Variants in SDK1 observed in about 807,000 individuals in gnomAD.
SDK1 encodes protein sidekick-1.
Under a neutral mutation model 245.5 loss-of-function variants are expected in SDK1, and 157 were observed. The ratio of observed to expected loss-of-function variants is 0.64; its 90% CI spans 0.56 to 0.73. The LOEUF (loss-of-function observed/expected upper bound fraction) is 0.73, where lower values mean the gene tolerates loss of function less well. SDK1 is among the 30% of genes least tolerant of loss of function. The pLI is 0.00. For synonymous variants in SDK1, 1,647 were observed against 1,278.5 expected (o/e 1.29, Z -6.15); for missense variants, 3,583 against 3,002.3 (o/e 1.19, Z -4.52).
chr7:4,237,621 A>G, intron 41 of SDK1, 26 bp from the exon 42 acceptor site: 1 of 1,613,950 alleles, frequency 6.2e-7, no homozygotes. Context: ...GCCCCATGTC[A>G]TTGTGTGTCC....
rs111386857 is a variant in SDK1 at position 3,565,290 on chromosome 7, A to G, written c.299-53790A>G. Among the ~76,000 whole-genome samples the G allele has an allele frequency of 8.9e-3, 1,358 of 152,300 alleles. 27 individuals carry two copies. Among genetic ancestry groups the G allele is most frequent in the African/African-American group, 0.031 (1,277 of 41,552 alleles). ...AAATTGCATCCAGAACCTTAGCTAC[A>G]AAGGAATCTGGGAAATATGGTTGTT... is the stretch of plus-strand genomic sequence containing the variant. On this transcript the variant is annotated intron_variant, in intron 1 of 44. Coordinates refer to ENST00000404826, the MANE Select transcript of SDK1 (RefSeq NM_152744.4).
chr7:4,140,933 C>A (rs1310010938), intron 28 of SDK1, among the ~76,000 whole-genome samples: 1 of 152,280 alleles, frequency 6.6e-6, no homozygotes, highest in Non-Finnish European at 1.5e-5. Flanking sequence ...GAGACCCCAT[C>A]TCTATTTTAA....
At chr7:3,565,981 AT>A (rs1202155264) in intron 1 of SDK1, among the ~76,000 whole-genome samples, 2 of 152,224 alleles carry the variant, frequency 1.3e-5, no homozygotes, top group Admixed American at 1.3e-4. Context: ...TTAAAAATGA[AT>A]AAAAACATAA....
At chr7:3,675,869 T>C (rs1783876371) in intron 4 of SDK1, among the ~76,000 whole-genome samples, 1 of 152,234 alleles carries the variant, frequency 6.6e-6, no homozygotes, top group Non-Finnish European at 1.5e-5. Flanking sequence ...GCCTACTTTT[T>C]AATTGGGTTG....
At chr7:3,619,328 A>G in intron 2 of SDK1, 89 bp downstream of exon 2, 1 of 1,097,962 alleles carries the variant, frequency 9.1e-7, no homozygotes, top group Non-Finnish European at 1.3e-6. Flanking sequence ...CAATGAGTGA[A>G]AATATTGGAT....
At chr7:3,554,531 T>C (rs572359620) in intron 1 of SDK1, among the ~76,000 whole-genome samples, 1 of 152,222 alleles carries the variant, frequency 6.6e-6, no homozygotes, top group African/African-American at 2.4e-5. Flanking sequence ...CCTCCAGAGA[T>C]TGTACTCACT....
At chr7:3,626,875 CAAAT>C (rs1422659614) in intron 2 of SDK1, among the ~76,000 whole-genome samples, 2 of 151,922 alleles carry the variant, frequency 1.3e-5, no homozygotes, top group African/African-American at 4.8e-5. Flanking sequence ...GGGAAAAAAA[CAAAT>C]AGATGGCCAG....
intron 5 of SDK1, among the ~76,000 whole-genome samples, chr7:3,921,110 T>C (rs933643033): frequency 2.6e-5 from 4 of 152,082 alleles, no homozygotes; most frequent in African/African-American, 9.7e-5. Context: ...AATTAGAAAA[T>C]ACAGAGAAAC....
chr7:3,799,172 T>A (rs1779041612), intron 4 of SDK1, among the ~76,000 whole-genome samples: 1 of 152,210 alleles, frequency 6.6e-6, no homozygotes, highest in South Asian at 2.1e-4. Flanking sequence ...CTTTTTTGTT[T>A]CTTCTTATAA....
At chr7:3,739,135 C>T (rs1055601707) in intron 4 of SDK1, among the ~76,000 whole-genome samples, 2 of 152,086 alleles carry the variant, frequency 1.3e-5, no homozygotes, top group East Asian at 3.9e-4. Flanking sequence ...CTTCTGGATT[C>T]CATAGTTTCT....
chr7:4,044,406 C>G (rs1246364955), intron 17 of SDK1, among the ~76,000 whole-genome samples: 3 of 152,194 alleles, frequency 2.0e-5, no homozygotes, highest in Admixed American at 6.5e-5. Flanking sequence ...ATAGACACCA[C>G]CTCTTCATGG....
chr7:3,658,609 C>CTTTTTT (rs71029690), intron 4 of SDK1, among the ~76,000 whole-genome samples: 5 of 101,962 alleles, frequency 4.9e-5, no homozygotes, highest in Non-Finnish European at 3.8e-5. Context: ...CTACTATCTT[C>CTTTTTT]TTTTTTTTTT....
chr7:3,378,354 A>G (rs189214718), intron 1 of SDK1, among the ~76,000 whole-genome samples: 3 of 152,348 alleles, frequency 2.0e-5, no homozygotes, highest in Non-Finnish European at 2.9e-5. Context: ...TTGTTAGTTC[A>G]TAAGACCTTG....
chr7:3,399,098 C>A (rs1778813370), intron 1 of SDK1, among the ~76,000 whole-genome samples: 1 of 152,074 alleles, frequency 6.6e-6, no homozygotes, highest in African/African-American at 2.4e-5. Flanking sequence ...TGTGTAACTT[C>A]ATGCACTTGG....
chr7:3,965,878 G>A (rs1262126791), intron 9 of SDK1, among the ~76,000 whole-genome samples: 1 of 151,988 alleles, frequency 6.6e-6, no homozygotes, highest in Non-Finnish European at 1.5e-5. Flanking sequence ...GGCTGGAGGG[G>A]ACATCAGGTG....
chr7:3,809,704 G>A (rs987446442), intron 4 of SDK1, among the ~76,000 whole-genome samples: 3 of 152,206 alleles, frequency 2.0e-5, no homozygotes, highest in South Asian at 2.1e-4. Context: ...CCTAGCGGCT[G>A]CTGCGTATGC....
chr7:4,155,500 C>T (rs1241591438), intron 30 of SDK1, among the ~76,000 whole-genome samples: 1 of 152,188 alleles, frequency 6.6e-6, no homozygotes, highest in Non-Finnish European at 1.5e-5. Context: ...CAGTGTGGCT[C>T]CAAACCCCCA....
intron 2 of SDK1, among the ~76,000 whole-genome samples, chr7:3,629,796 C>T (rs151152603): frequency 1.3e-5 from 2 of 152,138 alleles, no homozygotes; most frequent in Non-Finnish European, 2.9e-5. Context: ...CAAGCATATG[C>T]AGATGCAGGA....
intron 1 of SDK1, among the ~76,000 whole-genome samples, chr7:3,513,087 T>A (rs2128612074): frequency 6.6e-6 from 1 of 152,278 alleles, no homozygotes; most frequent in East Asian, 1.9e-4. Flanking sequence ...TTTAAACATA[T>A]TATGAGATTA....
Sources: gnomAD v4.1 joint callset for allele counts (sites outside exome capture counted in the v4.1 genomes callset) on GRCh38, gnomAD v4.1.1 for gene constraint, MANE v1.5 for transcripts, NCBI Gene and HGNC (gene_info 2026-07-23, HGNC 2026-07-21) for gene names.